Variants in PTPRD observed in about 807,000 individuals in gnomAD.
PTPRD encodes receptor-type tyrosine-protein phosphatase delta.
A neutral mutation model predicts 214.5 loss-of-function variants in PTPRD; 34 were observed. The observed-to-expected ratio is 0.16, with a 90% CI of 0.12 to 0.21. PTPRD has a LOEUF of 0.21. PTPRD is among the 10% of genes least tolerant of loss of function. The pLI, the probability that PTPRD is intolerant of heterozygous loss-of-function variation, is 1.00. For synonymous variants in PTPRD, 1,128 were observed against 845.7 expected (o/e 1.33, Z -5.79); for missense variants, 2,545 against 2,398.7 (o/e 1.06, Z -1.27).
At chr9:10,537,727 A>G (rs1566809876) in intron 2 of PTPRD, among the ~76,000 whole-genome samples, 1 of 152,084 alleles carries the variant, frequency 6.6e-6, no homozygotes, top group Non-Finnish European at 1.5e-5. Context: ...TATATTTATC[A>G]TCATAATGTC....
chr9:10,354,600 T>C (rs1281390524), intron 2 of PTPRD, among the ~76,000 whole-genome samples: 1 of 152,232 alleles, frequency 6.6e-6, no homozygotes, highest in African/African-American at 2.4e-5. Context: ...GTTTATTGTA[T>C]TTTACTTAGC....
chr9:8,723,864 T>C (rs1474928779), intron 12 of PTPRD, among the ~76,000 whole-genome samples: 3 of 152,216 alleles, frequency 2.0e-5, no homozygotes, highest in South Asian at 4.1e-4. Flanking sequence ...AAGGAATAGA[T>C]TGTGTGCTAT....
chr9:8,490,813 G>A (rs1035050785), intron 27 of PTPRD, among the ~76,000 whole-genome samples: 22 of 152,078 alleles, frequency 1.4e-4, no homozygotes, highest in African/African-American at 5.3e-4. Flanking sequence ...TAGAAACAAG[G>A]TATAATAAAC....
chr9:9,912,416 C>A (rs10816228), intron 5 of PTPRD, among the ~76,000 whole-genome samples: 23,027 of 152,018 alleles, frequency 0.15, 1,752 homozygotes, highest in Admixed American at 0.2. Context: ...GCTGTAAATT[C>A]CACTATTTCT....
At chr9:9,623,136 A>G (rs1355946258) in intron 7 of PTPRD, among the ~76,000 whole-genome samples, 1 of 152,228 alleles carries the variant, frequency 6.6e-6, no homozygotes, top group African/African-American at 2.4e-5. Context: ...TTCACAATTT[A>G]CCAACTTACT....
intron 9 of PTPRD, among the ~76,000 whole-genome samples, chr9:9,294,479 A>G (rs1952314428): frequency 6.6e-6 from 1 of 151,648 alleles, no homozygotes; most frequent in South Asian, 2.1e-4. Flanking sequence ...GTAGGGATGT[A>G]TTTGGACGTA....
chr9:8,713,236 T>G, intron 12 of PTPRD: 1 of 616,208 alleles, frequency 1.6e-6, no homozygotes, highest in South Asian at 1.9e-5. Flanking sequence ...GCTCCTAAAC[T>G]GAGTCTCCAA....
At chr9:8,783,836 C>T (rs1401926949) in intron 11 of PTPRD, among the ~76,000 whole-genome samples, 2 of 152,080 alleles carry the variant, frequency 1.3e-5, no homozygotes, top group Non-Finnish European at 2.9e-5. Flanking sequence ...AGACATATTA[C>T]CCTCCAAAAA....
intron 5 of PTPRD, among the ~76,000 whole-genome samples, chr9:9,767,366 G>T (rs1308393835): frequency 1.3e-5 from 2 of 151,972 alleles, no homozygotes; most frequent in Non-Finnish European, 2.9e-5. Context: ...TTCAGGCAGT[G>T]CATCTAGAAT....
At chr9:10,448,644 A>G (rs964755853) in intron 2 of PTPRD, among the ~76,000 whole-genome samples, 1 of 152,044 alleles carries the variant, frequency 6.6e-6, no homozygotes, top group South Asian at 2.1e-4. Flanking sequence ...TATTAAAATG[A>G]AAATTACTTT....
intron 9 of PTPRD, among the ~76,000 whole-genome samples, chr9:9,258,422 T>G (rs2099978687): frequency 6.7e-6 from 1 of 148,740 alleles, no homozygotes; most frequent in Non-Finnish European, 1.5e-5. Context: ...ATTGCACGCT[T>G]CTATTAAATA....
At chr9:9,070,456 C>G (rs369215004) in intron 10 of PTPRD, among the ~76,000 whole-genome samples, 3 of 152,022 alleles carry the variant, frequency 2.0e-5, no homozygotes, top group African/African-American at 7.2e-5. Context: ...TTAAGTTGAC[C>G]CATTCAACTT....
intron 2 of PTPRD, among the ~76,000 whole-genome samples, chr9:10,502,100 GAGAAA>G (rs1418583001): frequency 6.6e-6 from 1 of 151,788 alleles, no homozygotes; most frequent in African/African-American, 2.4e-5. Context: ...TCCCAAGCAA[GAGAAA>G]AGAAAACAAA....
At chr9:9,067,511 A>G (rs997307638) in intron 10 of PTPRD, among the ~76,000 whole-genome samples, 1 of 152,140 alleles carries the variant, frequency 6.6e-6, no homozygotes, top group African/African-American at 2.4e-5. Context: ...TCTTCCTCTC[A>G]AGCTTTTCTC....
intron 4 of PTPRD, among the ~76,000 whole-genome samples, chr9:10,023,804 T>A (rs1354371330): frequency 6.6e-6 from 1 of 152,120 alleles, no homozygotes; most frequent in African/African-American, 2.4e-5. Context: ...AATAAAGGTT[T>A]AATAAAGGTT....
intron 10 of PTPRD, among the ~76,000 whole-genome samples, chr9:9,074,082 T>A (rs1254183981): frequency 6.6e-6 from 1 of 151,880 alleles, no homozygotes; most frequent in Non-Finnish European, 1.5e-5. Context: ...CTTAAAATAA[T>A]CCCACAAAAA....
intron 8 of PTPRD, among the ~76,000 whole-genome samples, chr9:9,438,427 T>C (rs899227965): frequency 6.6e-6 from 1 of 152,210 alleles, no homozygotes; most frequent in Non-Finnish European, 1.5e-5. Context: ...TGGAATAAAG[T>C]TCCTTCTGAC....
intron 3 of PTPRD, among the ~76,000 whole-genome samples, chr9:10,182,812 C>T (rs1302312628): frequency 1.3e-5 from 2 of 152,222 alleles, no homozygotes; most frequent in Non-Finnish European, 2.9e-5. Context: ...TCTGGCAATA[C>T]TTTATGACAG....
At chr9:10,245,368 A>G (rs1403907505) in intron 3 of PTPRD, among the ~76,000 whole-genome samples, 1 of 152,200 alleles carries the variant, frequency 6.6e-6, no homozygotes, top group African/African-American at 2.4e-5. Flanking sequence ...AATAATTAAG[A>G]GTATTTAATC....
Sources: gnomAD v4.1 joint callset for allele counts (sites outside exome capture counted in the v4.1 genomes callset) on GRCh38, gnomAD v4.1.1 for gene constraint, MANE v1.5 for transcripts, NCBI Gene and HGNC (gene_info 2026-07-23, HGNC 2026-07-21) for gene names.